RAB2A: variants seen among roughly 807,000 people sequenced by gnomAD.
RAB2A encodes the protein RAB2A, member RAS oncogene family.
In RAB2A, 7 loss-of-function variants were observed where a neutral mutation model predicts 32.5. That is an observed-to-expected ratio of 0.22 (90% CI 0.12 to 0.40). The LOEUF is 0.40. Ranked by LOEUF, RAB2A falls within the 10% of genes least tolerant of loss-of-function variation. RAB2A has a pLI of 1.00. For missense variants in RAB2A, 108 were observed against 260.7 expected, an observed-to-expected ratio of 0.41 and a Z score of 4.03; for synonymous variants, 79 against 85.2, an observed-to-expected ratio of 0.93 and a Z score of 0.40.
At chr8:60,547,968 C>T (rs1807770726) in intron 1 of RAB2A, among the ~76,000 whole-genome samples, 1 of 65,404 alleles carries the variant, frequency 1.5e-5, no homozygotes, top group Non-Finnish European at 3.1e-5. Context: ...GCAGAGGCGC[C>T]CCTCACTTCC....
chr8:60,611,826 G>T lies in RAB2A; in HGVS notation c.475-6754G>T, dbSNP rs139303698. Among the ~76,000 whole-genome samples, 843 of 152,232 alleles carry T rather than the reference G, an allele frequency of 5.5e-3. 7 individuals are homozygous for T. The highest frequency in any genetic ancestry group is 9.7e-3 in the Non-Finnish European group (663 of 68,014). The stretch of plus-strand genomic sequence containing the variant: ...TTGAATTACAAAACGTCAGTCATTG[G>T]TTCAGTATACTCAGTACTGAAGAGT... On this transcript the variant is annotated intron_variant, in intron 6 of 7. Transcript: ENST00000262646.
chr8:60,618,313 C>T (rs139971077), intron 6 of RAB2A, among the ~76,000 whole-genome samples: 2 of 152,124 alleles, frequency 1.3e-5, no homozygotes, highest in African/African-American at 2.4e-5. Context: ...CCTTCTATTT[C>T]GACTTGAGTG....
chr8:60,574,937 C>T (rs1399550202), intron 3 of RAB2A, among the ~76,000 whole-genome samples: 2 of 152,038 alleles, frequency 1.3e-5, no homozygotes, highest in Non-Finnish European at 2.9e-5. Flanking sequence ...AGAAAGAATT[C>T]GACCACTTCC....
At chr8:60,567,532 T>G (rs1037696001) in intron 2 of RAB2A, among the ~76,000 whole-genome samples, 1 of 152,152 alleles carries the variant, frequency 6.6e-6, no homozygotes, top group African/African-American at 2.4e-5. Flanking sequence ...GTTGCAAGAT[T>G]TTTAGTGAGG....
intron 1 of RAB2A, 53 bp from the exon 2 acceptor site, chr8:60,558,799 G>A: frequency 6.9e-7 from 1 of 1,444,230 alleles, no homozygotes; most frequent in Non-Finnish European, 9.7e-7. Flanking sequence ...TTTTTGTAAA[G>A]CATCTTAATT....
At chr8:60,610,543 A>C (rs545881329) in intron 6 of RAB2A, among the ~76,000 whole-genome samples, 1 of 152,338 alleles carries the variant, frequency 6.6e-6, no homozygotes, top group African/African-American at 2.4e-5. Context: ...ACAAGACTTC[A>C]GTGGAAATCT....
chr8:60,600,516 A>T (rs1240955725), intron 6 of RAB2A, among the ~76,000 whole-genome samples: 1 of 152,220 alleles, frequency 6.6e-6, no homozygotes, highest in African/African-American at 2.4e-5. Flanking sequence ...AACACTAAAC[A>T]TGCAGCTACC....
intron 1 of RAB2A, among the ~76,000 whole-genome samples, chr8:60,547,392 G>A (rs1807749629): frequency 1.3e-5 from 2 of 152,128 alleles, no homozygotes; most frequent in South Asian, 2.1e-4. Context: ...ATCATGGCCC[G>A]TTCTCAATGA....
chr8:60,594,654 C>G (rs1788295855), intron 6 of RAB2A, among the ~76,000 whole-genome samples: 1 of 152,118 alleles, frequency 6.6e-6, no homozygotes, highest in Admixed American at 6.6e-5. Context: ...CCCAACAGGC[C>G]CCGGTGTGTG....
intron 6 of RAB2A, among the ~76,000 whole-genome samples, chr8:60,604,621 C>T (rs980321887): frequency 1.3e-5 from 2 of 152,168 alleles, no homozygotes; most frequent in Non-Finnish European, 2.9e-5. Flanking sequence ...TTTTGTTATG[C>T]TTTAGCAAGG....
chr8:60,607,117 C>CTTT (rs201215354), intron 6 of RAB2A, among the ~76,000 whole-genome samples: 6 of 124,762 alleles, frequency 4.8e-5, no homozygotes, highest in Non-Finnish European at 1.0e-4. Context: ...GGTCAATTGT[C>CTTT]TTTTTTTTTT....
chr8:60,602,215 C>T (rs1025860392), intron 6 of RAB2A, among the ~76,000 whole-genome samples: 2 of 152,280 alleles, frequency 1.3e-5, no homozygotes, highest in East Asian at 1.9e-4. Flanking sequence ...GGTACTATCA[C>T]TTAAAAAAGT....
chr8:60,613,432 A>T (rs921613166), intron 6 of RAB2A, among the ~76,000 whole-genome samples: 1 of 152,176 alleles, frequency 6.6e-6, no homozygotes, highest in East Asian at 1.9e-4. Flanking sequence ...CTTTATTAGG[A>T]TCATTTATCT....
At chr8:60,566,249 G>A (rs889277238) in intron 2 of RAB2A, among the ~76,000 whole-genome samples, 19 of 152,114 alleles carry the variant, frequency 1.2e-4, no homozygotes, top group Non-Finnish European at 2.2e-4. Context: ...ATCAAAGTGC[G>A]CATTCCTCCT....
At chr8:60,569,603 C>G (rs1420206764) in intron 2 of RAB2A, among the ~76,000 whole-genome samples, 2 of 152,154 alleles carry the variant, frequency 1.3e-5, no homozygotes, top group Non-Finnish European at 2.9e-5. Flanking sequence ...CTGGAGTTCC[C>G]AGGCTCAAGT....
chr8:60,619,505 G>A (rs1045668895), intron 7 of RAB2A, among the ~76,000 whole-genome samples: 20 of 152,156 alleles, frequency 1.3e-4, no homozygotes, highest in African/African-American at 4.8e-4. Context: ...TATTACTTCA[G>A]TAGTCTCTGC....
intron 1 of RAB2A, among the ~76,000 whole-genome samples, chr8:60,529,867 A>G (rs2130809631): frequency 6.6e-6 from 1 of 152,294 alleles, no homozygotes; most frequent in Non-Finnish European, 1.5e-5. Context: ...AGAGTTTTAG[A>G]AATAAATCTT....
At chr8:60,601,182 T>C (rs1211693659) in intron 6 of RAB2A, among the ~76,000 whole-genome samples, 2 of 102,890 alleles carry the variant, frequency 1.9e-5, no homozygotes, top group African/African-American at 1.1e-4. Context: ...TATGAATTCT[T>C]GAAGAATACA....
chr8:60,576,562 G>T (rs1268555138), intron 3 of RAB2A, among the ~76,000 whole-genome samples: 2 of 152,190 alleles, frequency 1.3e-5, no homozygotes, highest in Non-Finnish European at 2.9e-5. Context: ...ACCAAATTGT[G>T]TGAAAACTAA....
Sources: allele counts gnomAD v4.1 joint callset (sites outside exome capture counted in the v4.1 genomes callset), GRCh38; gene constraint gnomAD v4.1.1; transcripts MANE v1.5; gene names NCBI Gene and HGNC (gene_info 2026-07-23, HGNC 2026-07-21).